FCER1A: variants seen among roughly 807,000 people sequenced by gnomAD.
FCER1A encodes the protein Fc epsilon receptor Ia, also known as high affinity immunoglobulin epsilon receptor subunit alpha.
In FCER1A, 24 loss-of-function variants were observed where a neutral mutation model predicts 23.6. The observed-to-expected ratio is 1.02, with a 90% CI of 0.74 to 1.43. The LOEUF (loss-of-function observed/expected upper bound fraction) is 1.43. Ranked by LOEUF, FCER1A falls within the 40% of genes most tolerant of loss-of-function variation. The probability of loss-of-function intolerance (pLI) is 0.00; values close to 1 mark genes in which losing one functional copy is unlikely to be tolerated. For missense variants in FCER1A, 318 were observed against 294.5 expected (o/e 1.08, Z -0.58); for synonymous variants, 121 against 108.8 (o/e 1.11, Z -0.70).
chr1:159,305,120 G>A (rs1571081977), intron 3 of FCER1A, among the ~76,000 whole-genome samples: 1 of 150,186 alleles, frequency 6.7e-6, no homozygotes, highest in Non-Finnish European at 1.5e-5. Flanking sequence ...TTTCTCTTGA[G>A]TGAAAAAAAA....
chr1:159,300,132 T>C (rs2102225917), upstream of FCER1A, among the ~76,000 whole-genome samples: 1 of 152,230 alleles, frequency 6.6e-6, no homozygotes, highest in East Asian at 1.9e-4. Context: ...GAATGATAAA[T>C]CCAAAGTTTC....
upstream of FCER1A, among the ~76,000 whole-genome samples, chr1:159,299,577 G>A (rs1362028543): frequency 6.6e-6 from 1 of 152,104 alleles, no homozygotes; most frequent in Non-Finnish European, 1.5e-5. Flanking sequence ...CAAATAACAG[G>A]TCCAAGTTTG....
chr1:159,293,157 A>G (rs1023051744), intron 1 of FCER1A, among the ~76,000 whole-genome samples: 2 of 145,422 alleles, frequency 1.4e-5, no homozygotes, highest in African/African-American at 5.2e-5. Flanking sequence ...GGGAATATAT[A>G]TACATACACA....
At chr1:159,301,764 C>T (rs1020955477), upstream of FCER1A, among the ~76,000 whole-genome samples, 1 of 152,134 alleles carries the variant, frequency 6.6e-6, no homozygotes, top group Non-Finnish European at 1.5e-5. Context: ...ATAAACAGTA[C>T]ATCATATGAC....
rs1233595519 is a variant in FCER1A at position 159,307,936 on chromosome 1, A to G, written c.*4A>G. The G allele has an allele frequency of 1.3e-6, 2 of 1,576,184 alleles. No individual in the cohort carries two copies. The highest frequency in any genetic ancestry group is 1.1e-5 in the South Asian group (1 of 87,054). ...GCCAAACCCCAAAAACAACTGATAT[A>G]ATTACTCAAGAAATATTTGCAACAT... is the stretch of plus-strand genomic sequence containing the variant. On this transcript the variant is annotated 3_prime_UTR_variant, in exon 5 of 5. Coordinates refer to ENST00000693622, the MANE Select transcript of FCER1A (RefSeq NM_001387280.1).
At chr1:159,298,180 A>G (rs1412727359), upstream of FCER1A, among the ~76,000 whole-genome samples, 2 of 152,156 alleles carry the variant, frequency 1.3e-5, no homozygotes, top group Non-Finnish European at 2.9e-5. Context: ...GGCTGATTAC[A>G]TATCTTGAAG....
At chr1:159,302,961 G>A in intron 2 of FCER1A, 87 bp downstream of exon 2, 2 of 1,243,202 alleles carry the variant, frequency 1.6e-6, no homozygotes, top group Non-Finnish European at 2.4e-6. Context: ...CATCACTTCT[G>A]CTTTCTAATG....
At chr1:159,304,613 T>A (rs990360420) in intron 3 of FCER1A, among the ~76,000 whole-genome samples, 6 of 151,726 alleles carry the variant, frequency 4.0e-5, no homozygotes, top group South Asian at 2.1e-4. Flanking sequence ...TCTCAAAAAA[T>A]AAATAAATAA....
the FCER1A span, among the ~76,000 whole-genome samples, chr1:159,283,718 C>G: frequency 6.6e-6 from 1 of 152,110 alleles, no homozygotes; most frequent in South Asian, 2.1e-4. Flanking sequence ...TTGCTATGTT[C>G]CTGAGGCTTG....
Position 159,305,987 on chromosome 1 carries a change from G to A in FCER1A, c.332-1G>A. The A allele has an allele frequency of 6.2e-7, 1 of 1,612,922 alleles. No individual in the cohort carries two copies. Among genetic ancestry groups the A allele is most frequent in the South Asian group, 1.1e-5 (1 of 91,032 alleles). On this transcript the variant is annotated splice_acceptor_variant, in intron 3 of 4. Transcript: ENST00000693622. LOFTEE classifies it high-confidence loss of function. Reference sequence around the variant, plus strand: ...TAAATAATGTAATGAATGTTCTTCAGACTGGCTGCTCCTTCAGGCCTCTGC... The same window carrying A: ...TAAATAATGTAATGAATGTTCTTCAAACTGGCTGCTCCTTCAGGCCTCTGC...
At chr1:159,302,098 T>C (rs1240053134), upstream of FCER1A, among the ~76,000 whole-genome samples, 3 of 152,172 alleles carry the variant, frequency 2.0e-5, no homozygotes, top group Admixed American at 1.3e-4. Context: ...AGGCTTGTGA[T>C]TGTGCTAGAC....
chr1:159,300,426 T>C (rs2102226254), upstream of FCER1A, among the ~76,000 whole-genome samples: 1 of 152,284 alleles, frequency 6.6e-6, no homozygotes, highest in African/African-American at 2.4e-5. Flanking sequence ...CCCCGTCTCT[T>C]CCAGGGCTTA....
upstream of FCER1A, among the ~76,000 whole-genome samples, chr1:159,299,955 C>T (rs1220638479): frequency 8.2e-6 from 1 of 122,424 alleles, no homozygotes; most frequent in Non-Finnish European, 1.6e-5. Flanking sequence ...CTTTCCGATG[C>T]TGTTAATGGT....
chr1:159,305,776 T>G (rs1305363823), intron 3 of FCER1A, among the ~76,000 whole-genome samples: 3 of 152,198 alleles, frequency 2.0e-5, no homozygotes, highest in Non-Finnish European at 4.4e-5. Flanking sequence ...GGCCCCAGAC[T>G]GACTTTTCAG....
chr1:159,287,711 T>C (rs1183306166), upstream of FCER1A, among the ~76,000 whole-genome samples: 1 of 148,218 alleles, frequency 6.7e-6, no homozygotes, highest in Non-Finnish European at 1.5e-5. Context: ...TATATATAAA[T>C]ATATAATGTA....
intron 3 of FCER1A, 48 bp from the exon 4 acceptor site, chr1:159,305,940 T>C (rs1259666627): frequency 1.3e-6 from 2 of 1,539,090 alleles, no homozygotes; most frequent in African/African-American, 1.4e-5. Flanking sequence ...ATTCATTCTC[T>C]CTCTCTTCAT....
At position 159,306,220 on chromosome 1, in the gene FCER1A, G is replaced by C. The variant is rs746111752; in HGVS notation, c.564G>C (p.Glu188Asp). The C allele has an allele frequency of 6.2e-6, 10 of 1,613,878 alleles. No homozygotes were observed. The South Asian group carries it at 1.1e-4, about 18-fold the overall frequency. ...GKVWQLDYES[E>D]PLNITVIKAP... ...TGTGGCAGCTGGACTATGAGTCTGA[G>C]CCCCTCAACATTACTGTAATAAAAG... Residue 188 changes from glutamate (E) to aspartate (D), a missense_variant, in exon 4 of 5, where the codon GAG becomes GAC. Transcript: ENST00000693622.
chr1:159,298,824 A>G (rs1652358682), upstream of FCER1A, among the ~76,000 whole-genome samples: 1 of 152,218 alleles, frequency 6.6e-6, no homozygotes, highest in Non-Finnish European at 1.5e-5. Context: ...TATAGAACAG[A>G]AAGTTGGTTT....
the FCER1A span, among the ~76,000 whole-genome samples, chr1:159,284,356 G>A: frequency 1.6e-4 from 24 of 152,304 alleles, 1 homozygote; most frequent in East Asian, 4.6e-3. Flanking sequence ...CCTGCTGGAG[G>A]GGGAATGAAA....
Sources: allele counts gnomAD v4.1 joint callset (sites outside exome capture counted in the v4.1 genomes callset), GRCh38; gene constraint gnomAD v4.1.1; transcripts MANE v1.5; gene names NCBI Gene and HGNC (gene_info 2026-07-23, HGNC 2026-07-21).